EPB41L4B: variants seen among roughly 807,000 people sequenced by gnomAD.
EPB41L4B encodes erythrocyte membrane protein band 4.1 like 4B, also known as band 4.1-like protein 4B.
EPB41L4B carries 30 observed loss-of-function variants against 112.5 expected under a neutral mutation model. The ratio of observed to expected loss-of-function variants is 0.27; its 90% CI spans 0.20 to 0.36. The LOEUF (loss-of-function observed/expected upper bound fraction) is 0.36, where lower values mean the gene tolerates loss of function less well. Among genes scored for constraint, EPB41L4B ranks in the 10% least tolerant of loss-of-function variants. The pLI, the probability that EPB41L4B is intolerant of heterozygous loss-of-function variation, is 1.00. For synonymous variants in EPB41L4B, 408 were observed against 439.7 expected (o/e 0.93, Z 0.90); for missense variants, 1,024 against 1,133.3 (o/e 0.90, Z 1.38).
At chr9:109,291,691 T>C (rs1421962532) in intron 1 of EPB41L4B, among the ~76,000 whole-genome samples, 2 of 152,140 alleles carry the variant, frequency 1.3e-5, no homozygotes, top group Non-Finnish European at 2.9e-5. Flanking sequence ...TAGAAGAAAG[T>C]GACTGCCTGT....
At chr9:109,276,174 C>T (rs1835815299) in intron 2 of EPB41L4B, among the ~76,000 whole-genome samples, 1 of 145,298 alleles carries the variant, frequency 6.9e-6, no homozygotes, top group Non-Finnish European at 1.5e-5. Context: ...CACACACACA[C>T]ACACACACAC....
At chr9:109,278,111 C>T (rs1325395817) in intron 2 of EPB41L4B, among the ~76,000 whole-genome samples, 1 of 152,108 alleles carries the variant, frequency 6.6e-6, no homozygotes, top group Non-Finnish European at 1.5e-5. Context: ...GGACACTGGT[C>T]GGCCCAACCT....
intron 1 of EPB41L4B, among the ~76,000 whole-genome samples, chr9:109,305,665 G>A (rs958515910): frequency 2.0e-5 from 3 of 151,850 alleles, no homozygotes; most frequent in African/African-American, 7.3e-5. Flanking sequence ...GTTCACACCT[G>A]TAATCCTAGC....
chr9:109,274,496 C>A (rs767003466), intron 2 of EPB41L4B, among the ~76,000 whole-genome samples: 6 of 152,174 alleles, frequency 3.9e-5, no homozygotes, highest in Non-Finnish European at 7.3e-5. Context: ...CTGAATACAC[C>A]GTAGTTCAGG....
chr9:109,186,131 G>A (rs928029433), intron 22 of EPB41L4B, among the ~76,000 whole-genome samples: 4 of 152,080 alleles, frequency 2.6e-5, no homozygotes, highest in Admixed American at 2.6e-4. Context: ...GTATGTCAGT[G>A]AGTGGATATC....
At chr9:109,258,044 A>G in intron 7 of EPB41L4B, 133 bp downstream of exon 7, 1 of 951,946 alleles carries the variant, frequency 1.1e-6, no homozygotes, top group Admixed American at 2.3e-5. Context: ...GACTGACACA[A>G]GGAGAGAAGA....
At chr9:109,255,708 G>C (rs1320262801) in intron 10 of EPB41L4B, 28 bp from the exon 11 acceptor site, 4 of 1,610,578 alleles carry the variant, frequency 2.5e-6, no homozygotes, top group Non-Finnish European at 3.4e-6. Context: ...AGGGCCTCGA[G>C]TGGGCGTTTG....
intron 15 of EPB41L4B, chr9:109,241,857 G>C (rs1834363745): frequency 6.3e-7 from 1 of 1,597,826 alleles, no homozygotes. Context: ...GGAAGAAAAT[G>C]CAGAAATGTA....
intron 2 of EPB41L4B, among the ~76,000 whole-genome samples, 192 bp downstream of exon 2, chr9:109,279,625 T>A (rs1290659306): frequency 1.3e-5 from 2 of 152,218 alleles, no homozygotes; most frequent in Non-Finnish European, 2.9e-5. Context: ...ACTGGCCACC[T>A]CAAGGGTGAG....
chr9:109,207,841 A>G (rs1159293857), intron 18 of EPB41L4B, 83 bp downstream of exon 18: 49 of 1,551,374 alleles, frequency 3.2e-5, no homozygotes, highest in Non-Finnish European at 4.2e-5. Context: ...ACAGCATCTC[A>G]GTCCTACGGT....
intron 17 of EPB41L4B, among the ~76,000 whole-genome samples, chr9:109,209,722 G>C (rs1272872814): frequency 6.6e-6 from 1 of 152,030 alleles, no homozygotes; most frequent in African/African-American, 2.4e-5. Flanking sequence ...GCTTATTATG[G>C]GTTAGCCACT....
intron 15 of EPB41L4B, chr9:109,241,431 A>G (rs1834347983): frequency 7.8e-7 from 1 of 1,285,900 alleles, no homozygotes; most frequent in East Asian, 3.2e-5. Context: ...TCAGAACATC[A>G]ATATGATTCC....
At chr9:109,288,214 C>T (rs1203340485) in intron 1 of EPB41L4B, among the ~76,000 whole-genome samples, 1 of 152,216 alleles carries the variant, frequency 6.6e-6, no homozygotes, top group African/African-American at 2.4e-5. Flanking sequence ...AACAGGGTGC[C>T]ATCCACAAGT....
chr9:109,266,039 G>A (rs1028613690), intron 4 of EPB41L4B, among the ~76,000 whole-genome samples: 1 of 152,182 alleles, frequency 6.6e-6, no homozygotes, highest in Non-Finnish European at 1.5e-5. Context: ...CTTCCTGACA[G>A]GTGTTTGGCC....
At chr9:109,283,983 A>G (rs1163125139) in intron 1 of EPB41L4B, among the ~76,000 whole-genome samples, 2 of 152,090 alleles carry the variant, frequency 1.3e-5, no homozygotes, top group Non-Finnish European at 1.5e-5. Context: ...CTGTAGTCCT[A>G]GCTACTCAGG....
In EPB41L4B at chr9:109,320,472, C is replaced by G; in HGVS notation, c.-26G>C. 1.0e-6 allele frequency: 1 copy of G among 975,832 alleles called. No homozygotes were observed. The allele number at this position is 975,832 out of a possible 1,614,324, so 60.4% of individuals were successfully genotyped here. ...CCTGGCTGGGGGCGCCCCCTGCCTC[C>G]GCCCCCTGCGCTGCCGCTGCCGCTG... On this transcript the variant is annotated 5_prime_UTR_variant, in exon 1 of 26. Transcript: ENST00000374566.
chr9:109,244,448 TTTTTTTTTTTTTTTTTTTAC>T (rs1834472072), intron 14 of EPB41L4B, among the ~76,000 whole-genome samples: 1 of 131,954 alleles, frequency 7.6e-6, no homozygotes. Context: ...TTTTTTTTTT[TTTTTTTTTTTTTTTTTTTAC>T]AGAGTCTCAC....
intron 1 of EPB41L4B, among the ~76,000 whole-genome samples, chr9:109,308,056 C>T (rs761265026): frequency 2.0e-5 from 3 of 152,108 alleles, no homozygotes; most frequent in South Asian, 2.1e-4. Flanking sequence ...CCCTCAGAGG[C>T]GAACCCCACT....
At chr9:109,234,928 C>T (rs1215492294) in intron 15 of EPB41L4B, among the ~76,000 whole-genome samples, 2 of 152,192 alleles carry the variant, frequency 1.3e-5, no homozygotes, top group Non-Finnish European at 2.9e-5. Context: ...TACTAACTTT[C>T]CACTCAGTCT....
Sources: allele counts gnomAD v4.1 joint callset (sites outside exome capture counted in the v4.1 genomes callset), GRCh38; gene constraint gnomAD v4.1.1; transcripts MANE v1.5; gene names NCBI Gene and HGNC (gene_info 2026-07-23, HGNC 2026-07-21).